Variants in CAPN13 observed in about 807,000 individuals in gnomAD.
The protein encoded by CAPN13 is calpain-13.
A neutral mutation model predicts 98.4 loss-of-function variants in CAPN13; 90 were observed. That is an observed-to-expected ratio of 0.92 (90% CI 0.77 to 1.09). The LOEUF is 1.09. CAPN13 is among the 50% of genes least tolerant of loss of function. The pLI is 0.00. For missense variants in CAPN13, 887 were observed against 841.3 expected, an observed-to-expected ratio of 1.05 and a Z score of -0.67; for synonymous variants, 330 against 305.5, an observed-to-expected ratio of 1.08 and a Z score of -0.84.
At chr2:30,800,664 G>T (rs973720521) in intron 1 of CAPN13, among the ~76,000 whole-genome samples, 2 of 152,180 alleles carry the variant, frequency 1.3e-5, no homozygotes. Flanking sequence ...AGGTTCTTAT[G>T]TAGCCTCAAT....
intron 3 of CAPN13, among the ~76,000 whole-genome samples, chr2:30,776,665 T>C (rs999282237): frequency 2.0e-5 from 3 of 152,202 alleles, no homozygotes; most frequent in Non-Finnish European, 4.4e-5. Context: ...TTTTCCTCCT[T>C]GAGGGATGCA....
rs1265889682 is a variant in CAPN13, at chr2:30,738,433, G to A, written c.1561C>T (p.Leu521Phe). Residue 521 changes from leucine to phenylalanine, a missense_variant, in exon 16 of 23, where the codon CTT becomes TTT. Transcript: ENST00000295055. ...QQRLDIDATQ[L>F]QGLLNQELLT... Reference sequence around the variant, plus strand: ...AGCTCCTGGTTGAGAAGGCCCTGAAGCTGGGTGGCATCAATGTCCAGCCTC... The same window carrying A: ...AGCTCCTGGTTGAGAAGGCCCTGAAACTGGGTGGCATCAATGTCCAGCCTC... 4 of 1,606,604 alleles carry A rather than the reference G, an allele frequency of 2.5e-6. No homozygotes were observed. In the Admixed American group the frequency reaches 6.8e-5, roughly 27 times the overall value.
In CAPN13 at chr2:30,794,836, A is replaced by G. The variant is rs190905598; in HGVS notation, c.-32-7479T>C. ...AAAAAAATCCTAGAAATGCAAACTA[A>G]TGTACCATGACAGAAAGAAGTTCAG... is the stretch of plus-strand genomic sequence containing the variant. On this transcript the variant is annotated intron_variant, in intron 1 of 22. Coordinates refer to ENST00000295055, the MANE Select transcript of CAPN13 (RefSeq NM_144575.3). Among the ~76,000 whole-genome samples the G allele has an allele frequency of 6.5e-4, 99 of 152,098 alleles. 1 individual carries two copies. Among genetic ancestry groups the G allele is most frequent in the Middle Eastern group, 6.8e-3 (2 of 294 alleles).
At chr2:30,774,279 A>G (rs192616606) in intron 4 of CAPN13, among the ~76,000 whole-genome samples, 6 of 152,194 alleles carry the variant, frequency 3.9e-5, no homozygotes, top group Admixed American at 6.5e-5. Context: ...AAAGGAATTA[A>G]TAAAGATAGG....
At position 30,730,669 on chromosome 2, in the gene CAPN13, T is replaced by C. The variant is rs539587295; in HGVS notation, c.*30+61A>G. 30 of 769,306 alleles carry C rather than the reference T, an allele frequency of 3.9e-5. 1 individual carries two copies. In the South Asian group the frequency reaches 4.2e-4, roughly 11 times the overall value. 47.7% of individuals were successfully genotyped at this position (769,306 alleles called of 1,614,324 possible). A position where few individuals can be genotyped will look rare whatever the true frequency, so the allele number is the denominator to read the frequency against. Reference sequence around the variant, plus strand: ...AGGAGAGAGTCTTATGTGCAGTTCTTAGAGGGGAAGGAGGACTCATGCTCC... The same window carrying C: ...AGGAGAGAGTCTTATGTGCAGTTCTCAGAGGGGAAGGAGGACTCATGCTCC... On this transcript the variant is annotated intron_variant, in intron 22 of 22. Coordinates refer to ENST00000295055, the MANE Select transcript of CAPN13 (RefSeq NM_144575.3).
chr2:30,793,406 A>T (rs1674702489), intron 1 of CAPN13, among the ~76,000 whole-genome samples: 1 of 151,650 alleles, frequency 6.6e-6, no homozygotes, highest in African/African-American at 2.4e-5. Context: ...ATCTACATTA[A>T]AAAACTATAA....
intron 1 of CAPN13, among the ~76,000 whole-genome samples, chr2:30,793,276 G>C (rs910857898): frequency 3.3e-5 from 5 of 151,468 alleles, no homozygotes; most frequent in Admixed American, 3.3e-4. Flanking sequence ...AAGGTCACAA[G>C]ATACAAGGTT....
At chr2:30,755,340 CA>C (rs1285832809) in intron 8 of CAPN13, among the ~76,000 whole-genome samples, 1 of 152,134 alleles carries the variant, frequency 6.6e-6, no homozygotes, top group Admixed American at 6.6e-5. Context: ...TGCTATGTCT[CA>C]CTAGACTCCC....
chr2:30,779,836 A>C (rs1418729818), intron 2 of CAPN13, among the ~76,000 whole-genome samples: 1 of 152,140 alleles, frequency 6.6e-6, no homozygotes, highest in Non-Finnish European at 1.5e-5. Flanking sequence ...CATTGAAAGT[A>C]ATGGCCAATA....
chr2:30,745,198 C>T (rs1671845524), intron 12 of CAPN13: 1 of 472,184 alleles, frequency 2.1e-6, no homozygotes, highest in Non-Finnish European at 4.4e-6. Flanking sequence ...TTCCAAACTC[C>T]ACCTGTCTTT....
Position 30,776,053 on chromosome 2 carries a change from G to T in CAPN13, c.272-8C>A. ...CCAGGAACCAGCAGTCAGCTGTGAGGGGAGATAAGCCAGGAAAGGCTGATT... is the reference window on the plus strand; with the variant it reads ...CCAGGAACCAGCAGTCAGCTGTGAGTGGAGATAAGCCAGGAAAGGCTGATT... On this transcript the variant is annotated splice_region_variant and splice_polypyrimidine_tract_variant and intron_variant, in intron 3 of 22. Coordinates refer to ENST00000295055, the MANE Select transcript of CAPN13 (RefSeq NM_144575.3). 3 of 1,595,808 alleles carry T rather than the reference G, an allele frequency of 1.9e-6. No homozygotes were observed. The highest frequency in any genetic ancestry group is 2.6e-6 in the Non-Finnish European group (3 of 1,167,582).
intron 2 of CAPN13, among the ~76,000 whole-genome samples, chr2:30,778,349 C>T (rs374284635): frequency 3.3e-5 from 5 of 152,230 alleles, no homozygotes; most frequent in East Asian, 3.9e-4. Context: ...TCAGCAGGCA[C>T]CAAAATTGTG....
rs535552927 is a variant in CAPN13 at position 30,758,596 on chromosome 2, CGTGA to C, written c.775-463_775-460del. Among the ~76,000 whole-genome samples the C allele has an allele frequency of 6.6e-5, 10 of 152,238 alleles. No individual in the cohort carries two copies. The East Asian group carries it at 1.7e-3, about 26-fold the overall frequency. ...TATGGTGCAGTCTCAACAGCACTGT[CGTGA>C]GTGAGGAGGGTAGAGGAGGCAGATT... On this transcript the variant is annotated intron_variant, in intron 7 of 22. Transcript: ENST00000295055.
chr2:30,732,565 G>C lies in CAPN13; in HGVS notation c.1800C>G (p.Asp600Glu). 6.2e-7 allele frequency: 1 copy of C among 1,607,230 alleles called. No individual in the cohort carries two copies. Among genetic ancestry groups the C allele is most frequent in the Non-Finnish European group, 8.5e-7 (1 of 1,177,620 alleles). Residue 600 changes from aspartate (D) to glutamate (E), a missense_variant and splice_region_variant, in exon 20 of 23, where the codon GAC becomes GAG. Coordinates refer to ENST00000295055, the MANE Select transcript of CAPN13 (RefSeq NM_144575.3). ...SDLWKAIENTDFLRGIFISRE... is the reference protein window; with the variant it reads ...SDLWKAIENTEFLRGIFISRE... ...GGCTGATGAAGATCCCTCTGAGGAA[G>C]TCTGGGGCCACAGGTGAACGAGTGA...
chr2:30,750,518 A>G (rs967126510), intron 11 of CAPN13, among the ~76,000 whole-genome samples: 2 of 152,158 alleles, frequency 1.3e-5, no homozygotes, highest in Non-Finnish European at 2.9e-5. Flanking sequence ...ACCTGGCCTC[A>G]GGGTAGCCAA....
intron 1 of CAPN13, among the ~76,000 whole-genome samples, chr2:30,800,667 G>A (rs1233528366): frequency 1.3e-5 from 2 of 152,178 alleles, no homozygotes; most frequent in African/African-American, 4.8e-5. Context: ...TTCTTATGTA[G>A]CCTCAATGAT....
intron 22 of CAPN13, among the ~76,000 whole-genome samples, chr2:30,728,593 A>C (rs1160713768): frequency 3.3e-5 from 5 of 152,164 alleles, no homozygotes; most frequent in Non-Finnish European, 7.3e-5. Flanking sequence ...AGAGCAGGAA[A>C]AAGAGGGACA....
intron 1 of CAPN13, among the ~76,000 whole-genome samples, chr2:30,805,747 C>CTTTATTTTTTTTT (rs60473516): frequency 4.1e-5 from 5 of 121,536 alleles, no homozygotes; most frequent in African/African-American, 1.7e-4. Flanking sequence ...GTAGGTTGGT[C>CTTTATTTTTTTTT]TTTTTTTTTT....
chr2:30,805,173 C>A (rs1675538662), intron 1 of CAPN13, among the ~76,000 whole-genome samples: 1 of 152,156 alleles, frequency 6.6e-6, no homozygotes, highest in Non-Finnish European at 1.5e-5. Flanking sequence ...CCCCATAGGG[C>A]AAGCTTTGAA....
Sources: gnomAD v4.1 joint callset for allele counts (sites outside exome capture counted in the v4.1 genomes callset) on GRCh38, gnomAD v4.1.1 for gene constraint, MANE v1.5 for transcripts, NCBI Gene and HGNC (gene_info 2026-07-23, HGNC 2026-07-21) for gene names.